BICRAL: variants seen among roughly 807,000 people sequenced by gnomAD.
The protein encoded by BICRAL is BRD4-interacting chromatin-remodeling complex-associated protein-like.
A neutral mutation model predicts 91.8 loss-of-function variants in BICRAL; 8 were observed. The ratio of observed to expected loss-of-function variants is 0.09; its 90% CI spans 0.05 to 0.16. BICRAL has a LOEUF of 0.16. BICRAL is among the 10% of genes least tolerant of loss of function. The probability of loss-of-function intolerance (pLI) is 1.00; values close to 1 mark genes in which losing one functional copy is unlikely to be tolerated. For synonymous variants in BICRAL, 445 were observed against 491.1 expected (o/e 0.91, Z 1.24); for missense variants, 1,038 against 1,310.9 (o/e 0.79, Z 3.21).
chr6:42,841,266 G>C (rs1226805425), intron 6 of BICRAL, among the ~76,000 whole-genome samples: 2 of 136,772 alleles, frequency 1.5e-5, no homozygotes, highest in African/African-American at 2.8e-5. Context: ...TTGGCTCACT[G>C]CAACCTCCAC....
intron 1 of BICRAL, among the ~76,000 whole-genome samples, chr6:42,784,263 G>T (rs550927721): frequency 6.6e-6 from 1 of 152,190 alleles, no homozygotes; most frequent in Non-Finnish European, 1.5e-5. Flanking sequence ...ATTATTAAAA[G>T]CATCCATGTA....
At chr6:42,858,376 C>A (rs113830749) in intron 10 of BICRAL, among the ~76,000 whole-genome samples, 3 of 150,298 alleles carry the variant, frequency 2.0e-5, no homozygotes, top group Non-Finnish European at 4.4e-5. Flanking sequence ...ATTAGCTGGG[C>A]GTGGTGGCAC....
upstream of BICRAL, among the ~76,000 whole-genome samples, chr6:42,777,302 A>G (rs1304465260): frequency 6.6e-6 from 1 of 152,198 alleles, no homozygotes; most frequent in East Asian, 1.9e-4. Context: ...GGGTACTATA[A>G]TCATCCCCAT....
intron 6 of BICRAL, among the ~76,000 whole-genome samples, chr6:42,832,253 C>T (rs1342639529): frequency 6.6e-6 from 1 of 151,238 alleles, no homozygotes; most frequent in Non-Finnish European, 1.5e-5. Context: ...GAGGCTGAGG[C>T]AGGAGAATCA....
chr6:42,796,913 C>T (rs900166202), intron 1 of BICRAL, among the ~76,000 whole-genome samples: 5 of 151,832 alleles, frequency 3.3e-5, no homozygotes, highest in Admixed American at 2.0e-4. Flanking sequence ...GGTATGGTGG[C>T]GCATGCCTGT....
intron 6 of BICRAL, among the ~76,000 whole-genome samples, chr6:42,844,910 T>C (rs921114896): frequency 7.2e-5 from 11 of 152,114 alleles, no homozygotes; most frequent in Admixed American, 2.0e-4. Flanking sequence ...ACACCTATTG[T>C]AGCAAGAGAA....
At position 42,867,790 on chromosome 6, in the gene BICRAL, G is replaced by A. The variant is rs1211057227; in HGVS notation, c.*2344G>A. On this transcript the variant is annotated 3_prime_UTR_variant, in exon 13 of 13. Transcript: ENST00000314073. ...CCCTAACACTTGTCTAGCAAATGGA[G>A]AGCCTAATTTACCAAAATGAAACTT... 1 of 152,176 alleles carries A rather than the reference G, an allele frequency of 6.6e-6. No homozygotes were observed. The highest frequency in any genetic ancestry group is 1.5e-5 in the Non-Finnish European group (1 of 68,044). 9.4% of individuals were successfully genotyped at this position (152,176 alleles called of 1,614,324 possible). A position where few individuals can be genotyped will look rare whatever the true frequency, so the allele number is the denominator to read the frequency against.
At chr6:42,773,696 G>A (rs1762773527) in intron 1 of BICRAL, among the ~76,000 whole-genome samples, 1 of 151,748 alleles carries the variant, frequency 6.6e-6, no homozygotes, top group Admixed American at 6.6e-5. Flanking sequence ...TGTATTTTTA[G>A]TAGAGACAGG....
chr6:42,770,989 C>G (rs2113844086), intron 1 of BICRAL, among the ~76,000 whole-genome samples: 1 of 152,330 alleles, frequency 6.6e-6, no homozygotes, highest in South Asian at 2.1e-4. Context: ...GCCCTCCCCT[C>G]TCTGAACAGG....
At chr6:42,844,312 A>G (rs1042352961) in intron 6 of BICRAL, among the ~76,000 whole-genome samples, 1 of 150,352 alleles carries the variant, frequency 6.7e-6, no homozygotes, top group African/African-American at 2.4e-5. Context: ...GATGAAGACC[A>G]TTCTGGCTAA....
chr6:42,815,984 C>CAAAAAAA (rs746928245), intron 2 of BICRAL, among the ~76,000 whole-genome samples: 3 of 39,238 alleles, frequency 7.6e-5, no homozygotes, highest in Non-Finnish European at 1.5e-4. Context: ...AACTCTGTCT[C>CAAAAAAA]AAAAAAAAAA....
chr6:42,765,827 C>T (rs1449732145), intron 1 of BICRAL, among the ~76,000 whole-genome samples: 5 of 151,684 alleles, frequency 3.3e-5, no homozygotes, highest in Non-Finnish European at 5.9e-5. Flanking sequence ...TAGGGGTGAG[C>T]ATTGATTTGA....
intron 1 of BICRAL, among the ~76,000 whole-genome samples, chr6:42,763,362 A>G (rs1026580126): frequency 5.3e-5 from 8 of 152,238 alleles, no homozygotes; most frequent in African/African-American, 1.9e-4. Context: ...AAGCTTTTAT[A>G]TAAATGCTCA....
chr6:42,857,802 A>ATTTTTTTTTTT (rs1161596399), intron 10 of BICRAL, among the ~76,000 whole-genome samples: 1 of 73,664 alleles, frequency 1.4e-5, no homozygotes, highest in Non-Finnish European at 2.4e-5. Flanking sequence ...CATACCCTGA[A>ATTTTTTTTTTT]TTTTTTTTTT....
intron 5 of BICRAL, among the ~76,000 whole-genome samples, chr6:42,828,134 C>A (rs985960067): frequency 6.6e-6 from 1 of 152,076 alleles, no homozygotes; most frequent in African/African-American, 2.4e-5. Context: ...GTAAGATTGG[C>A]CAGGCGCGGT....
intron 1 of BICRAL, among the ~76,000 whole-genome samples, chr6:42,750,908 TA>T (rs67479395): frequency 0.42 from 23,997 of 57,180 alleles, 6,608 homozygotes; most frequent in Non-Finnish European, 0.47. Flanking sequence ...TTTTTTTTTT[TA>T]ATACTTTAAG....
At chr6:42,789,691 T>C (rs1449206252) in intron 1 of BICRAL, among the ~76,000 whole-genome samples, 2 of 149,218 alleles carry the variant, frequency 1.3e-5, no homozygotes, top group Non-Finnish European at 3.0e-5. Context: ...CAGATAGAGG[T>C]GTTATTTGCA....
Position 42,866,868 on chromosome 6 carries a change from T to C in BICRAL, c.*1422T>C, listed in dbSNP as rs1377691478. ...TTAATGTCATTGTAACCATCACTTA[T>C]CTCCTCTCATTGGGAAAGCTACATG... On this transcript the variant is annotated 3_prime_UTR_variant, in exon 13 of 13. Transcript: ENST00000314073. The C allele has an allele frequency of 4.4e-6, 2 of 456,134 alleles. No individual in the cohort carries two copies. The highest frequency in any genetic ancestry group is 1.4e-4 in the East Asian group (2 of 14,414). The allele number at this position is 456,134 out of a possible 1,614,324, so 28.3% of individuals were successfully genotyped here. A position where few individuals can be genotyped will look rare whatever the true frequency, so the allele number is the denominator to read the frequency against.
At chr6:42,796,681 A>C (rs1763419501) in intron 1 of BICRAL, among the ~76,000 whole-genome samples, 1 of 152,136 alleles carries the variant, frequency 6.6e-6, no homozygotes, top group Non-Finnish European at 1.5e-5. Context: ...GAGGTGGTAC[A>C]TGTTGGATTC....
Sources: allele counts gnomAD v4.1 joint callset (sites outside exome capture counted in the v4.1 genomes callset), GRCh38; gene constraint gnomAD v4.1.1; transcripts MANE v1.5; gene names NCBI Gene and HGNC (gene_info 2026-07-23, HGNC 2026-07-21).